The following NUP160 variants were observed in gnomAD, a reference collection of about 807,000 sequenced individuals.
NUP160 encodes the protein nucleoporin 160.
Under a neutral mutation model 196.9 loss-of-function variants are expected in NUP160, and 94 were observed. The observed-to-expected ratio is 0.48, with a 90% confidence interval of 0.40 to 0.57. NUP160 has a LOEUF of 0.57. Among genes scored for constraint, NUP160 ranks in the 20% least tolerant of loss-of-function variants. NUP160 has a pLI of 0.00. For synonymous variants in NUP160, 605 were observed against 619.7 expected (o/e 0.98, Z 0.35); for missense variants, 1,638 against 1,748.3 (o/e 0.94, Z 1.13).
exon 22 of NUP160, chr11:47,803,521 G>A (rs745979359): frequency 1.2e-6 from 2 of 1,605,734 alleles, no homozygotes; most frequent in Non-Finnish European, 8.5e-7. Flanking sequence ...CAGGGATGTA[G>A]CAGTTGAATA....
At chr11:47,786,382 T>C (rs779984734) in intron 32 of NUP160, 71 bp downstream of exon 32, 77 of 927,034 alleles carry the variant, frequency 8.3e-5, no homozygotes, top group Non-Finnish European at 1.3e-4. Context: ...TGTAGGACAA[T>C]TTAGTCAGAG....
intron 23 of NUP160, among the ~76,000 whole-genome samples, chr11:47,801,016 G>C (rs543098491): frequency 6.6e-6 from 1 of 152,266 alleles, no homozygotes; most frequent in South Asian, 2.1e-4. Flanking sequence ...GGCCCTAAGA[G>C]AATAGAGCAT....
intron 35 of NUP160, among the ~76,000 whole-genome samples, chr11:47,779,402 TCA>T (rs2097659337): frequency 6.6e-6 from 1 of 152,214 alleles, no homozygotes; most frequent in South Asian, 2.1e-4. Flanking sequence ...CATTTCAGTC[TCA>T]TTTTCTGAAT....
chr11:47,815,114 C>T (rs1361861295), intron 13 of NUP160: 1 of 154,888 alleles, frequency 6.5e-6, no homozygotes, highest in African/African-American at 2.4e-5. Context: ...ACCTGTAGTC[C>T]CAGGTACTCA....
intron 11 of NUP160, among the ~76,000 whole-genome samples, chr11:47,816,818 T>C (rs1851736765): frequency 6.6e-6 from 1 of 151,452 alleles, no homozygotes; most frequent in African/African-American, 2.4e-5. Flanking sequence ...TTTTTGTTGT[T>C]GTTTTAATAG....
intron 2 of NUP160, among the ~76,000 whole-genome samples, chr11:47,844,737 A>C (rs1852367163): frequency 6.6e-6 from 1 of 152,224 alleles, no homozygotes; most frequent in Non-Finnish European, 1.5e-5. Flanking sequence ...GAACCAGAAC[A>C]ACTCCATCTT....
At position 47,839,187 on chromosome 11, in the gene NUP160, G is replaced by C. The variant is rs958415554; in HGVS notation, c.748+656C>G. The stretch of plus-strand genomic sequence containing the variant: ...GCTTATCGCAACCTCCACCTCTTGG[G>C]TTCAAGCGATTCTCTTGCCTCAGCC... On this transcript the variant is annotated intron_variant, in intron 4 of 35. Coordinates refer to ENST00000378460, the Ensembl canonical transcript of NUP160. Among the ~76,000 whole-genome samples, 3 of 151,450 alleles carry C rather than the reference G, an allele frequency of 2.0e-5. No homozygotes were observed. In the East Asian group the frequency reaches 6.0e-4, roughly 30 times the overall value.
chr11:47,792,631 T>C (rs564947562), intron 28 of NUP160, 155 bp downstream of exon 28: 36 of 713,238 alleles, frequency 5.0e-5, no homozygotes, highest in East Asian at 2.0e-4. Context: ...TATACAACAA[T>C]TGAATTGTAA....
At chr11:47,788,468 C>G (rs1474708075) in intron 30 of NUP160, 33 bp downstream of exon 30, 1 of 1,585,226 alleles carries the variant, frequency 6.3e-7, no homozygotes, top group East Asian at 2.2e-5. Context: ...GTGGTGCTGA[C>G]AAGTCAGAGG....
exon 20 of NUP160, chr11:47,806,239 G>A: frequency 1.2e-6 from 2 of 1,613,742 alleles, no homozygotes; most frequent in Non-Finnish European, 1.7e-6. Flanking sequence ...TTGGCTGAGA[G>A]AAGAGGTGAG....
At chr11:47,804,673 A>G (rs1347987641) in intron 20 of NUP160, 55 bp from the exon 21 acceptor site, 1 of 1,174,056 alleles carries the variant, frequency 8.5e-7, no homozygotes, top group Admixed American at 2.9e-5. Context: ...TTAAACATAT[A>G]CATTGGGCAT....
intron 35 of NUP160, 56 bp downstream of exon 35, chr11:47,780,287 G>C (rs1481823082): frequency 7.7e-6 from 9 of 1,168,072 alleles, no homozygotes; most frequent in African/African-American, 1.5e-5. Flanking sequence ...AAGCTGTAAG[G>C]TGTAACTGCT....
At chr11:47,803,567 G>GA (rs1471679917) in intron 21 of NUP160, 31 bp from the exon 22 acceptor site, 1 of 1,176,660 alleles carries the variant, frequency 8.5e-7, no homozygotes, top group Admixed American at 1.7e-5. Flanking sequence ...TTTCTGATTA[G>GA]AAAATAAATG....
chr11:47,824,604 T>G (rs1851931242), intron 7 of NUP160, among the ~76,000 whole-genome samples: 1 of 151,442 alleles, frequency 6.6e-6, no homozygotes. Flanking sequence ...AGCGACTCTA[T>G]CTCAAAAAAA....
At chr11:47,782,298 AAAAAAAT>A (rs1301059073) in intron 34 of NUP160, among the ~76,000 whole-genome samples, 26 of 53,278 alleles carry the variant, frequency 4.9e-4, no homozygotes, top group South Asian at 1.5e-3. Flanking sequence ...TTAAAAAAAA[AAAAAAAT>A]ATATATATAT....
intron 28 of NUP160, 63 bp downstream of exon 28, chr11:47,792,723 A>C: frequency 7.0e-7 from 1 of 1,426,562 alleles, no homozygotes; most frequent in South Asian, 1.4e-5. Flanking sequence ...GAAAGGACCA[A>C]AACAAGTAGA....
chr11:47,803,938 C>A (rs1043952085), intron 21 of NUP160, among the ~76,000 whole-genome samples: 7 of 152,068 alleles, frequency 4.6e-5, no homozygotes, highest in African/African-American at 1.7e-4. Flanking sequence ...GTAATCCCAG[C>A]ACTCTGGGGA....
Position 47,784,906 on chromosome 11 carries a change from G to T in NUP160, c.3990+16C>A. 1.3e-6 allele frequency: 2 copies of T among 1,562,176 alleles called. No individual in the cohort carries two copies. Among genetic ancestry groups the T allele is most frequent in the Non-Finnish European group, 1.7e-6 (2 of 1,152,218 alleles). On this transcript the variant is annotated intron_variant, in intron 33 of 35. Coordinates refer to ENST00000378460, the Ensembl canonical transcript of NUP160. ...AAGAGTGGGTTCTTACTCTGTACAA[G>T]TTATAATCCGTTTACCTTGTAACTG... is the stretch of plus-strand genomic sequence containing the variant.
At chr11:47,818,213 T>C (rs1383170825) in intron 10 of NUP160, 89 bp from the exon 11 acceptor site, 6 of 801,700 alleles carry the variant, frequency 7.5e-6, no homozygotes, top group African/African-American at 3.4e-5. Flanking sequence ...TTCTACTATA[T>C]GAACATTGCC....
Sources: allele counts gnomAD v4.1 joint callset (sites outside exome capture counted in the v4.1 genomes callset), GRCh38; gene constraint gnomAD v4.1.1; transcripts MANE v1.5; gene names NCBI Gene and HGNC (gene_info 2026-07-23, HGNC 2026-07-21).